The following ZBED6 variants were observed in gnomAD, a reference collection of about 807,000 sequenced individuals.
ZBED6 encodes zinc finger BED-type containing 6.
In ZBED6, 40 loss-of-function variants were observed where a neutral mutation model predicts 58.4. The observed-to-expected ratio is 0.68, with a 90% CI of 0.53 to 0.89. ZBED6 has a LOEUF of 0.89. Ranked by LOEUF, ZBED6 falls within the 40% of genes least tolerant of loss-of-function variation. The pLI is 0.00. For missense variants in ZBED6, 1,057 were observed against 1,003.9 expected, an observed-to-expected ratio of 1.05 and a Z score of -0.71; for synonymous variants, 439 against 350.6, an observed-to-expected ratio of 1.25 and a Z score of -2.82.
intron 15 of ZBED6, 136 bp downstream of exon 15, chr1:203,850,817 C>A: frequency 7.7e-7 from 1 of 1,298,356 alleles, no homozygotes; most frequent in East Asian, 2.5e-5. Context: ...TGGGTTACTA[C>A]TGTATTTTAT....
At chr1:203,798,903 T>C (rs1437800816) in exon 1 of ZBED6, 2 of 1,536,158 alleles carry the variant, frequency 1.3e-6, no homozygotes, top group Non-Finnish European at 1.7e-6. Context: ...ACCTCAGTTA[T>C]ATGATTGTGT....
chr1:203,821,064 C>G (rs529945791), intron 3 of ZBED6, among the ~76,000 whole-genome samples: 126 of 152,134 alleles, frequency 8.3e-4, no homozygotes, highest in Admixed American at 1.7e-3. Flanking sequence ...TATCGTAATC[C>G]CCATGTGTTA....
chr1:203,797,361 C>T, exon 1 of ZBED6: 1 of 632,694 alleles, frequency 1.6e-6, no homozygotes, highest in Non-Finnish European at 2.5e-6. Flanking sequence ...GTCAGTTTTC[C>T]TCCAAAAATA....
chr1:203,803,937 A>G (rs1306513186), intron 1 of ZBED6, among the ~76,000 whole-genome samples: 2 of 151,982 alleles, frequency 1.3e-5, no homozygotes, highest in African/African-American at 4.8e-5. Context: ...ATTCTAGATG[A>G]TTTTATAATC....
chr1:203,842,152 A>T (rs1170390139), intron 11 of ZBED6, among the ~76,000 whole-genome samples: 2 of 150,038 alleles, frequency 1.3e-5, no homozygotes, highest in Non-Finnish European at 3.0e-5. Context: ...CACATCCCAG[A>T]CGATGGGCGG....
chr1:203,826,808 TC>T (rs972776638), intron 3 of ZBED6, among the ~76,000 whole-genome samples: 32 of 152,162 alleles, frequency 2.1e-4, no homozygotes, highest in African/African-American at 7.2e-4. Flanking sequence ...ATATCTTTTT[TC>T]CCCCTTTTTT....
At chr1:203,816,123 T>C (rs35400764) in intron 1 of ZBED6, among the ~76,000 whole-genome samples, 16,963 of 152,278 alleles carry the variant, frequency 0.11, 1,177 homozygotes, top group Non-Finnish European at 0.15. Flanking sequence ...CACCTAGTTA[T>C]GATTATATAC....
rs78148830 is a variant in ZBED6 at position 203,820,983 on chromosome 1, G to A, written c.*2873+2294G>A. Among the ~76,000 whole-genome samples the A allele has an allele frequency of 7.1e-3, 1,074 of 152,102 alleles. 18 individuals carry two copies. Among genetic ancestry groups the A allele is most frequent in the African/African-American group, 0.025 (1,034 of 41,496 alleles). Reference sequence around the variant, plus strand: ...CTCATCAGACTTCAACTTTTTCCCCGTTATTGATGTGAATTAATGCAAACT... The same window carrying A: ...CTCATCAGACTTCAACTTTTTCCCCATTATTGATGTGAATTAATGCAAACT... On this transcript the variant is annotated intron_variant, in intron 3 of 16. Coordinates refer to ENST00000550078, the Ensembl canonical transcript of ZBED6.
chr1:203,843,122 C>T (rs1270930638), intron 11 of ZBED6, among the ~76,000 whole-genome samples: 1 of 152,026 alleles, frequency 6.6e-6, no homozygotes, highest in African/African-American at 2.4e-5. Context: ...TTGTATGCAA[C>T]CTGAATTATT....
intron 1 of ZBED6, among the ~76,000 whole-genome samples, chr1:203,809,988 G>A (rs751389904): frequency 1.3e-5 from 2 of 151,958 alleles, no homozygotes; most frequent in Non-Finnish European, 2.9e-5. Context: ...AAGTAACTGG[G>A]TTTTTCTTGG....
intron 8 of ZBED6, among the ~76,000 whole-genome samples, 195 bp downstream of exon 8, chr1:203,831,966 TCA>T (rs1355178791): frequency 6.6e-6 from 1 of 152,226 alleles, no homozygotes; most frequent in African/African-American, 2.4e-5. Context: ...CAAGCAGCCC[TCA>T]CATATATTTT....
chr1:203,827,124 A>T (rs1428770630), intron 3 of ZBED6, among the ~76,000 whole-genome samples: 1 of 152,138 alleles, frequency 6.6e-6, no homozygotes, highest in Non-Finnish European at 1.5e-5. Flanking sequence ...GCAATGGTTT[A>T]TTCCTTCTCA....
chr1:203,817,793 C>T (rs1676867280), intron 2 of ZBED6, among the ~76,000 whole-genome samples: 2 of 151,840 alleles, frequency 1.3e-5, no homozygotes, highest in African/African-American at 2.4e-5. Context: ...AGTTCTGTCA[C>T]CCAGGCTGGA....
intron 11 of ZBED6, among the ~76,000 whole-genome samples, chr1:203,843,857 G>A (rs1385513700): frequency 6.6e-6 from 1 of 151,700 alleles, no homozygotes; most frequent in Non-Finnish European, 1.5e-5. Context: ...CTCGGCCTGG[G>A]ATTTCTTCTT....
At chr1:203,832,320 C>CGAA (rs1376317992) in intron 8 of ZBED6, among the ~76,000 whole-genome samples, 1 of 151,896 alleles carries the variant, frequency 6.6e-6, no homozygotes. Flanking sequence ...CTTGGCCTCC[C>CGAA]GAAGTGCTGG....
intron 1 of ZBED6, among the ~76,000 whole-genome samples, chr1:203,810,149 G>GT (rs1315810818): frequency 1.2e-3 from 175 of 144,414 alleles, no homozygotes; most frequent in African/African-American, 3.2e-3. Flanking sequence ...TTTGTTTTTT[G>GT]TTTTTTTTTT....
intron 11 of ZBED6, among the ~76,000 whole-genome samples, chr1:203,840,929 C>T (rs955572503): frequency 1.3e-5 from 2 of 151,908 alleles, no homozygotes; most frequent in Non-Finnish European, 2.9e-5. Context: ...CCACCGCACC[C>T]GGCTAAATAG....
At chr1:203,819,529 A>ATTTTTTTTTTTTTTTT (rs755259647) in intron 3 of ZBED6, among the ~76,000 whole-genome samples, 17 of 72,878 alleles carry the variant, frequency 2.3e-4, no homozygotes, top group African/African-American at 7.5e-4. Flanking sequence ...GCTGACTCCA[A>ATTTTTTTTTTTTTTTT]TTTTTTTTTT....
chr1:203,843,977 C>T (rs1027813784), intron 11 of ZBED6, among the ~76,000 whole-genome samples: 3 of 151,938 alleles, frequency 2.0e-5, no homozygotes, highest in African/African-American at 7.3e-5. Context: ...CCTGCCTCAC[C>T]CTTCCGAGTA....
Sources: allele counts gnomAD v4.1 joint callset (sites outside exome capture counted in the v4.1 genomes callset), GRCh38; gene constraint gnomAD v4.1.1; transcripts MANE v1.5; gene names NCBI Gene and HGNC (gene_info 2026-07-23, HGNC 2026-07-21).